Variants in DOK6 observed in about 807,000 individuals in gnomAD.
The protein encoded by DOK6 is docking protein 6, also known as downstream of tyrosine kinase 6.
DOK6 carries 22 observed loss-of-function variants against 44.0 expected under a neutral mutation model. That is an observed-to-expected ratio of 0.50 (90% CI 0.36 to 0.71). The LOEUF (loss-of-function observed/expected upper bound fraction) is 0.71, where lower values mean the gene tolerates loss of function less well. DOK6 is among the 30% of genes least tolerant of loss of function. The probability of loss-of-function intolerance (pLI) is 0.00; values close to 1 mark genes in which losing one functional copy is unlikely to be tolerated. For synonymous variants in DOK6, 166 were observed against 145.5 expected, an observed-to-expected ratio of 1.14 and a Z score of -1.01; for missense variants, 340 against 416.4, an observed-to-expected ratio of 0.82 and a Z score of 1.60.
chr18:69,728,002 C>T (rs1012859930), intron 5 of DOK6, among the ~76,000 whole-genome samples: 1 of 152,234 alleles, frequency 6.6e-6, no homozygotes, highest in Non-Finnish European at 1.5e-5. Flanking sequence ...CTGGTCTGGT[C>T]TGTTCCAGGC....
At chr18:69,660,296 TTTTG>T (rs1049715093) in intron 3 of DOK6, 2 of 152,232 alleles carry the variant, frequency 1.3e-5, no homozygotes, top group Non-Finnish European at 2.9e-5. Context: ...ATGTGTTACC[TTTTG>T]TTTGAAGAAA....
At chr18:69,742,329 G>A (rs1025142939) in intron 6 of DOK6, among the ~76,000 whole-genome samples, 1 of 150,426 alleles carries the variant, frequency 6.6e-6, no homozygotes, top group Non-Finnish European at 1.5e-5. Flanking sequence ...CAGGAGAATC[G>A]CTTGAACCCA....
chr18:69,492,339 A>G (rs550799172), intron 1 of DOK6, among the ~76,000 whole-genome samples: 16 of 152,266 alleles, frequency 1.1e-4, no homozygotes, highest in African/African-American at 3.8e-4. Flanking sequence ...AGACTGTACA[A>G]TCTGTATCTG....
At chr18:69,685,456 A>G (rs561305164) in intron 4 of DOK6, among the ~76,000 whole-genome samples, 1 of 152,350 alleles carries the variant, frequency 6.6e-6, no homozygotes, top group African/African-American at 2.4e-5. Context: ...TGAGGACTAA[A>G]TAAGATATGA....
chr18:69,421,405 C>CAA lies in DOK6; in HGVS notation c.66+20096_66+20097insAA, dbSNP rs538498968. On this transcript the variant is annotated intron_variant, in intron 1 of 7. Coordinates refer to ENST00000382713, the MANE Select transcript of DOK6 (RefSeq NM_152721.6). ...AGACAAAGAACTTTGGAAATAGAGA[C>CAA]ATTTGGTTGAGGCTGTGGACTTTCC... 3.7e-3 allele frequency among the ~76,000 whole-genome samples: 563 copies of CAA among 152,244 alleles called. 5 individuals carry two copies. Among genetic ancestry groups the CAA allele is most frequent in the South Asian group, 0.028 (135 of 4,824 alleles).
At chr18:69,562,899 T>C (rs1018135999) in intron 1 of DOK6, among the ~76,000 whole-genome samples, 2 of 152,034 alleles carry the variant, frequency 1.3e-5, no homozygotes, top group Non-Finnish European at 2.9e-5. Flanking sequence ...GAAATCTACT[T>C]ATCTGACAAA....
At chr18:69,635,591 A>G (rs1190858614) in intron 3 of DOK6, among the ~76,000 whole-genome samples, 1 of 152,202 alleles carries the variant, frequency 6.6e-6, no homozygotes, top group Non-Finnish European at 1.5e-5. Context: ...CCCCTATGTG[A>G]CAGCAACGAG....
intron 6 of DOK6, among the ~76,000 whole-genome samples, chr18:69,755,329 A>G (rs946062857): frequency 3.9e-5 from 6 of 152,212 alleles, no homozygotes; most frequent in African/African-American, 1.2e-4. Flanking sequence ...GAATAAAAAA[A>G]AGAGAAGAAA....
chr18:69,502,927 C>T lies in DOK6; in HGVS notation c.67-61560C>T, dbSNP rs1442682. Among the ~76,000 whole-genome samples the T allele has an allele frequency of 2.9e-3, 435 of 152,090 alleles. 2 individuals carry two copies. The highest frequency in any genetic ancestry group is 0.01 in the African/African-American group (416 of 41,536). On this transcript the variant is annotated intron_variant, in intron 1 of 7. Transcript: ENST00000382713. ...TAGTGTGCGCTCTTATAGATGGAGCCGTTACATTTATCTCTAAATTGCCCT... is the reference window on the plus strand; with the variant it reads ...TAGTGTGCGCTCTTATAGATGGAGCTGTTACATTTATCTCTAAATTGCCCT...
At chr18:69,503,795 G>A (rs1373674702) in intron 1 of DOK6, among the ~76,000 whole-genome samples, 1 of 151,496 alleles carries the variant, frequency 6.6e-6, no homozygotes, top group Non-Finnish European at 1.5e-5. Context: ...ATTTTATATT[G>A]AATAATATTT....
intron 1 of DOK6, among the ~76,000 whole-genome samples, chr18:69,475,963 A>T (rs1980248560): frequency 6.6e-6 from 1 of 151,582 alleles, no homozygotes; most frequent in Admixed American, 6.6e-5. Flanking sequence ...TGTGATGCTG[A>T]AGTTTGGAGT....
intron 6 of DOK6, among the ~76,000 whole-genome samples, chr18:69,753,748 C>T (rs1979261295): frequency 6.6e-6 from 1 of 152,056 alleles, no homozygotes; most frequent in African/African-American, 2.4e-5. Flanking sequence ...AGAAGCATCG[C>T]CTACAGGAAA....
intron 2 of DOK6, among the ~76,000 whole-genome samples, chr18:69,567,112 G>A (rs983697418): frequency 2.6e-5 from 4 of 152,082 alleles, no homozygotes; most frequent in Admixed American, 6.6e-5. Flanking sequence ...TCTGTGAATC[G>A]TCAAAACATG....
chr18:69,824,319 G>A (rs963947048), intron 7 of DOK6, among the ~76,000 whole-genome samples: 27 of 148,342 alleles, frequency 1.8e-4, no homozygotes, highest in African/African-American at 6.7e-4. Context: ...CCTTGCGATA[G>A]TTTGCTAAGA....
intron 1 of DOK6, among the ~76,000 whole-genome samples, chr18:69,402,358 T>G (rs1916119982): frequency 6.6e-6 from 1 of 152,172 alleles, no homozygotes; most frequent in Non-Finnish European, 1.5e-5. Context: ...CTGTGTTCCC[T>G]GATGACTGGA....
chr18:69,633,370 G>A (rs1915085625), intron 3 of DOK6, among the ~76,000 whole-genome samples: 1 of 152,290 alleles, frequency 6.6e-6, no homozygotes, highest in African/African-American at 2.4e-5. Context: ...GAATTCAAAT[G>A]TCAAAACGCC....
intron 7 of DOK6, among the ~76,000 whole-genome samples, chr18:69,779,299 C>T (rs1410296199): frequency 1.3e-5 from 2 of 152,068 alleles, no homozygotes; most frequent in African/African-American, 2.4e-5. Context: ...TGTGGCTAAA[C>T]GTACTTAGAT....
At chr18:69,632,620 G>C (rs1472029233) in intron 3 of DOK6, among the ~76,000 whole-genome samples, 1 of 152,160 alleles carries the variant, frequency 6.6e-6, no homozygotes, top group Non-Finnish European at 1.5e-5. Context: ...AGAAGGTACT[G>C]TCCTCTTGAC....
Position 69,531,389 on chromosome 18 carries a change from C to T in DOK6, c.67-33098C>T, listed in dbSNP as rs182446109. ...CAATTTGCTGGACAGAATGCACTTA[C>T]CCAGTCAAAAATCTAGTTGAATAAT... On this transcript the variant is annotated intron_variant, in intron 1 of 7. Transcript: ENST00000382713. 3.1e-3 allele frequency among the ~76,000 whole-genome samples: 470 copies of T among 151,200 alleles called. 1 individual carries two copies. Among genetic ancestry groups the T allele is most frequent in the Non-Finnish European group, 2.9e-3 (197 of 67,826 alleles).
Sources: allele counts gnomAD v4.1 joint callset (sites outside exome capture counted in the v4.1 genomes callset), GRCh38; gene constraint gnomAD v4.1.1; transcripts MANE v1.5; gene names NCBI Gene and HGNC (gene_info 2026-07-23, HGNC 2026-07-21).